DNAH10: variants seen among roughly 807,000 people sequenced by gnomAD.
The protein encoded by DNAH10 is axonemal beta dynein heavy chain 10.
In DNAH10, 348 loss-of-function variants were observed where a neutral mutation model predicts 506.6. The observed-to-expected ratio is 0.69, with a 90% confidence interval of 0.63 to 0.75. DNAH10 has a LOEUF of 0.75. Ranked by LOEUF, DNAH10 falls within the 30% of genes least tolerant of loss-of-function variation. DNAH10 has a pLI of 0.00. For missense variants in DNAH10, 5,179 were observed against 5,787.1 expected, an observed-to-expected ratio of 0.89 and a Z score of 3.41; for synonymous variants, 2,059 against 2,198.6, an observed-to-expected ratio of 0.94 and a Z score of 1.78.
At chr12:123,862,419 C>T (rs79137248) in intron 39 of DNAH10, among the ~76,000 whole-genome samples, 8,035 of 151,790 alleles carry the variant, frequency 0.053, 304 homozygotes, top group Non-Finnish European at 0.078. Flanking sequence ...TGAGAGGGGT[C>T]GTGCTCTGTT....
chr12:123,809,261 A>G (rs1015367338), intron 19 of DNAH10, among the ~76,000 whole-genome samples: 1 of 151,840 alleles, frequency 6.6e-6, no homozygotes, highest in East Asian at 1.9e-4. Context: ...GTACCTTCCT[A>G]TCCCAAGTGG....
In DNAH10 at chr12:123,925,328, T is replaced by A; in HGVS notation, c.11921+124T>A. 7.9e-7 allele frequency: 1 copy of A among 1,272,884 alleles called. No homozygotes were observed. The highest frequency in any genetic ancestry group is 1.1e-6 in the Non-Finnish European group (1 of 912,010). 78.8% of individuals were successfully genotyped at this position (1,272,884 alleles called of 1,614,324 possible). A position where few individuals can be genotyped will look rare whatever the true frequency, so the allele number is the denominator to read the frequency against. On this transcript the variant is annotated intron_variant, in intron 68 of 78. Transcript: ENST00000673944. The surrounding 1 kb of genome is among the most constrained non-coding windows in gnomAD (Gnocchi z 4.0). ...CGAGACAGCTGTCGCCACCCTGCTG[T>A]ACAATATTCGATAGCCGATATTCTA... is the stretch of plus-strand genomic sequence containing the variant.
rs10595799 is a variant in DNAH10, at chr12:123,853,860, GCACA to G, written c.6438+516_6438+519del. On this transcript the variant is annotated intron_variant, in intron 36 of 78. Transcript: ENST00000673944. The surrounding 1 kb of genome is among the most constrained non-coding windows in gnomAD (Gnocchi z 4.7). ...CGCACACGCACGGACACACGCACGC[GCACA>G]CACACACGGATACATGCACGCGCAC... 4.1e-5 allele frequency among the ~76,000 whole-genome samples: 6 copies of G among 148,142 alleles called. No homozygotes were observed. Among genetic ancestry groups the G allele is most frequent in the African/African-American group, 1.3e-4 (5 of 39,980 alleles).
Position 123,919,627 on chromosome 12 carries a change from A to T in DNAH10, c.11506+678A>T, listed in dbSNP as rs900251566. 7.9e-5 allele frequency among the ~76,000 whole-genome samples: 12 copies of T among 151,744 alleles called. No homozygotes were observed. Among genetic ancestry groups the T allele is most frequent in the African/African-American group, 2.9e-4 (12 of 41,336 alleles). ...ATTAGCAGTCACCCCCTGGCCCCCC[A>T]CTCCTAGTCCCTGGCAGTCACCGCT... On this transcript the variant is annotated intron_variant, in intron 65 of 78. Transcript: ENST00000673944. This position sits in a 1 kb window ranked among gnomAD's most constrained non-coding sequence, Gnocchi z 4.9.
At chr12:123,780,149 T>TTC (rs59003958) in intron 5 of DNAH10, among the ~76,000 whole-genome samples, 1,893 of 133,304 alleles carry the variant, frequency 0.014, 20 homozygotes, top group African/African-American at 0.021. Context: ...CCTCCCTCCT[T>TTC]TCTCTCTCTC....
At chr12:123,789,102 G>T (rs1405681917) in intron 10 of DNAH10, among the ~76,000 whole-genome samples, 4 of 151,972 alleles carry the variant, frequency 2.6e-5, no homozygotes, top group Admixed American at 1.3e-4. Context: ...ACAAAAATTA[G>T]CTGGGCGTGG....
intron 18 of DNAH10, among the ~76,000 whole-genome samples, chr12:123,807,187 A>ACATCCATCCATC (rs3071663): frequency 2.1e-4 from 30 of 145,772 alleles, no homozygotes; most frequent in African/African-American, 6.1e-4. Flanking sequence ...ATTCATCCCC[A>ACATCCATCCATC]CATCCATCCA....
At chr12:123,921,221 A>G (rs1254138423) in intron 65 of DNAH10, among the ~76,000 whole-genome samples, 1 of 152,192 alleles carries the variant, frequency 6.6e-6, no homozygotes, top group African/African-American at 2.4e-5. Flanking sequence ...AGACTTTAGG[A>G]TTCCCCAGTG....
intron 43 of DNAH10, among the ~76,000 whole-genome samples, chr12:123,869,522 T>A (rs1220863545): frequency 6.6e-6 from 1 of 152,178 alleles, no homozygotes; most frequent in Non-Finnish European, 1.5e-5. Flanking sequence ...TCCCCAAATA[T>A]CTACCCTGCC....
intron 19 of DNAH10, 57 bp from the exon 20 acceptor site, chr12:123,813,107 T>G: frequency 1.5e-6 from 2 of 1,351,928 alleles, no homozygotes; most frequent in South Asian, 2.7e-5. Context: ...AATATGTACG[T>G]TGGAGGCAAA....
At chr12:123,803,631 A>T (rs1244293712) in intron 16 of DNAH10, 30 bp from the exon 17 acceptor site, 18 of 1,502,514 alleles carry the variant, frequency 1.2e-5, no homozygotes, top group Non-Finnish European at 1.6e-5. Context: ...GTTGGAAGCC[A>T]AATGTCTTTC....
chr12:123,868,279 C>G (rs1951891742), intron 43 of DNAH10, among the ~76,000 whole-genome samples, 160 bp downstream of exon 43: 1 of 152,090 alleles, frequency 6.6e-6, no homozygotes, highest in Non-Finnish European at 1.5e-5. Flanking sequence ...GCGGAACACC[C>G]AGGAGCGGTT....
At chr12:123,864,123 A>G (rs946537287) in intron 39 of DNAH10, among the ~76,000 whole-genome samples, 1 of 151,574 alleles carries the variant, frequency 6.6e-6, no homozygotes, top group Non-Finnish European at 1.5e-5. Flanking sequence ...AATATTGGCA[A>G]AGAACTCAAA....
rs1362332495 is a variant in DNAH10 at position 123,803,721 on chromosome 12, AC to A, written c.2677del (p.Gln893ArgfsTer13). 1.2e-6 allele frequency: 2 copies of A among 1,611,484 alleles called. No individual in the cohort carries two copies. Among genetic ancestry groups the A allele is most frequent in the Non-Finnish European group, 1.7e-6 (2 of 1,179,314 alleles). On this transcript the variant is annotated frameshift_variant, in exon 17 of 79. Transcript: ENST00000673944. LOFTEE classifies it high-confidence loss of function. ...QAIGKFESLV[H>X]QIHKNADDIS... ...ATTGGGAAATTTGAGTCTCTCGTCC[AC>A]CAGATTCATAAGAATGCAGATGACA... is the stretch of plus-strand genomic sequence containing the variant.
chr12:123,852,948 G>A (rs1951232311), intron 35 of DNAH10, among the ~76,000 whole-genome samples: 3 of 151,020 alleles, frequency 2.0e-5, no homozygotes, highest in Middle Eastern at 6.8e-3. Context: ...TCCTACAGAT[G>A]GTTCTGTTCT....
chr12:123,835,331 A>C (rs1269182930), intron 27 of DNAH10, 75 bp from the exon 28 acceptor site: 8 of 1,537,332 alleles, frequency 5.2e-6, no homozygotes. Flanking sequence ...GTCTCATGTC[A>C]GGATGGGGCT....
chr12:123,881,367 A>G (rs997257107), intron 50 of DNAH10, among the ~76,000 whole-genome samples: 11 of 151,996 alleles, frequency 7.2e-5, no homozygotes, highest in Non-Finnish European at 1.5e-4. Context: ...ATGGTATCTC[A>G]TTGTGGTTTT....
chr12:123,813,226 G>A lies in DNAH10; in HGVS notation c.3207G>A (p.Glu1069=), dbSNP rs1959010828. The A allele has an allele frequency of 2.6e-5, 42 of 1,614,024 alleles. No individual in the cohort carries two copies. Among genetic ancestry groups the A allele is most frequent in the Non-Finnish European group, 3.4e-5 (40 of 1,179,944 alleles). Residue 1069 remains glutamate, a synonymous_variant, in exon 20 of 79, where the codon GAG becomes GAA. Transcript: ENST00000673944. ...IECPPQKGEE[E]EVVIINFYND... Reference sequence around the variant, plus strand: ...GCCCACCTCAGAAGGGGGAGGAAGAGGAAGTTGTTATAATAAACTTTTACA... The same window carrying A: ...GCCCACCTCAGAAGGGGGAGGAAGAAGAAGTTGTTATAATAAACTTTTACA...
chr12:123,872,492 T>C (rs1231260678), intron 45 of DNAH10, among the ~76,000 whole-genome samples: 1 of 152,172 alleles, frequency 6.6e-6, no homozygotes, highest in Non-Finnish European at 1.5e-5. Flanking sequence ...CTGAACACAG[T>C]GGCTTTAGCA....
Sources: allele counts gnomAD v4.1 joint callset (sites outside exome capture counted in the v4.1 genomes callset), GRCh38; gene constraint gnomAD v4.1.1; non-coding constraint Gnocchi (gnomAD v3.1); transcripts MANE v1.5; gene names NCBI Gene and HGNC (gene_info 2026-07-23, HGNC 2026-07-21).